SH2B3: variants seen among roughly 807,000 people sequenced by gnomAD.
SH2B3 encodes the protein SH2B adaptor protein 3.
SH2B3 carries 43 observed loss-of-function variants against 51.9 expected under a neutral mutation model. That is an observed-to-expected ratio of 0.83 (90% CI 0.65 to 1.07). The LOEUF (loss-of-function observed/expected upper bound fraction) is 1.07. SH2B3 is among the 50% of genes least tolerant of loss of function. The pLI, the probability that SH2B3 is intolerant of heterozygous loss-of-function variation, is 0.00. For missense variants in SH2B3, 952 were observed against 834.3 expected (o/e 1.14, Z -1.74); for synonymous variants, 396 against 376.0 (o/e 1.05, Z -0.62).
intron 1 of SH2B3, among the ~76,000 whole-genome samples, chr12:111,414,680 G>A (rs1353105815): frequency 3.3e-5 from 5 of 152,112 alleles, no homozygotes; most frequent in African/African-American, 4.8e-5. Context: ...TTCTTGTGGA[G>A]ATCGGCTGTG....
In SH2B3 at chr12:111,435,041, A is replaced by C. The variant is rs901064907; in HGVS notation, c.733-11712A>C. 1 of 1,529,610 alleles carries C rather than the reference A, an allele frequency of 6.5e-7. No individual in the cohort carries two copies. Among genetic ancestry groups the C allele is most frequent in the East Asian group, 2.5e-5 (1 of 40,712 alleles). 94.8% of individuals were successfully genotyped at this position (1,529,610 alleles called of 1,614,324 possible). ...CGTTCTTCGAAGGCAGGCAGTAGCT[A>C]CCGTTGTCTGGGGCTTTGGGGATCT... On this transcript the variant is annotated intron_variant, in intron 2 of 7. Transcript: ENST00000341259. This position sits in a 1 kb window ranked among gnomAD's most constrained non-coding sequence, Gnocchi z 4.8.
In SH2B3 at chr12:111,446,853, AGGTG is replaced by A; in HGVS notation, c.834_834+3del. ...GACAACCTTTACACCTTTGTGCTGA[AGGTG>A]AGTGACAAGGCTTTTCACACCCTGG... is the stretch of plus-strand genomic sequence containing the variant. On this transcript the variant is annotated splice_donor_variant and splice_donor_region_variant and coding_sequence_variant and intron_variant, in exon 3 of 8. Coordinates refer to ENST00000341259, the MANE Select transcript of SH2B3 (RefSeq NM_005475.3). LOFTEE classifies it high-confidence loss of function. 1 of 1,605,744 alleles carries A rather than the reference AGGTG, an allele frequency of 6.2e-7. No individual in the cohort carries two copies.
intron 2 of SH2B3, among the ~76,000 whole-genome samples, chr12:111,426,919 C>A (rs1038557316): frequency 6.6e-6 from 1 of 152,084 alleles, no homozygotes; most frequent in Non-Finnish European, 1.5e-5. Context: ...GCCCTTGGCC[C>A]CCTGCTGAAC....
At chr12:111,417,227 C>T (rs980261895) in intron 1 of SH2B3, among the ~76,000 whole-genome samples, 2 of 152,042 alleles carry the variant, frequency 1.3e-5, no homozygotes, top group Admixed American at 6.6e-5. Flanking sequence ...CTAGTTTTTC[C>T]CCATTATAAA....
intron 2 of SH2B3, among the ~76,000 whole-genome samples, chr12:111,439,047 A>C (rs1008346018): frequency 3.3e-5 from 5 of 152,204 alleles, no homozygotes; most frequent in African/African-American, 1.2e-4. Flanking sequence ...ATCTTGGCTT[A>C]CTGCAGCCTC....
Position 111,448,189 on chromosome 12 carries a change from C to T in SH2B3, c.1615C>T (p.Leu539=). Residue 539 remains leucine, a synonymous_variant, in exon 8 of 8, where the codon CTG becomes TTG. Coordinates refer to ENST00000341259, the MANE Select transcript of SH2B3 (RefSeq NM_005475.3). The part of the protein sequence containing the change: ...VPSPEELANS[L]QHLEHEPVNR... ...TTCGCCCGAAGAACTGGCCAACAGC[C>T]TGCAGCACCTGGAGCATGAGCCTGT... The T allele has an allele frequency of 1.2e-6, 2 of 1,614,126 alleles. No homozygotes were observed. Among genetic ancestry groups the T allele is most frequent in the East Asian group, 2.2e-5 (1 of 44,868 alleles).
At chr12:111,424,770 A>G (rs976622331) in intron 2 of SH2B3, among the ~76,000 whole-genome samples, 2 of 151,888 alleles carry the variant, frequency 1.3e-5, no homozygotes, top group Non-Finnish European at 2.9e-5. Flanking sequence ...TCAGACCACA[A>G]CTCTTGCATG....
In SH2B3 at chr12:111,418,683, A is replaced by G; in HGVS notation, c.538A>G (p.Lys180Glu). ...GACCCCCGCCCGGCCTGGCCTGGCCAAGAAGTTCCTGCCCTGGAGCCTGGC... is the reference window on the plus strand; with the variant it reads ...GACCCCCGCCCGGCCTGGCCTGGCCGAGAAGTTCCTGCCCTGGAGCCTGGC... ...AETPARPGLA[K>E]KFLPWSLARE... The change falls in exon 2 of 8, where the codon AAG becomes GAG. Residue 180 changes from lysine to glutamate, a missense_variant. By Grantham distance (56) the Lys-to-Glu change is moderately conservative. Transcript: ENST00000341259. The surrounding 1 kb of genome is among the most constrained non-coding windows in gnomAD (Gnocchi z 6.7). 2 of 1,490,456 alleles carry G rather than the reference A, an allele frequency of 1.3e-6. No individual in the cohort carries two copies. The highest frequency in any genetic ancestry group is 8.9e-7 in the Non-Finnish European group (1 of 1,128,128). The allele number at this position is 1,490,456 out of a possible 1,614,324, so 92.3% of individuals were successfully genotyped here.
rs1305581960 is a variant in SH2B3, at chr12:111,447,230, C to T, written c.1021+11C>T. 1.2e-6 allele frequency: 2 copies of T among 1,605,706 alleles called. No homozygotes were observed. Among genetic ancestry groups the T allele is most frequent in the Non-Finnish European group, 1.7e-6 (2 of 1,172,458 alleles). Reference sequence around the variant, plus strand: ...ATTCCCTTAACCAAGGTGGGTAAACCAATAGCTAGGCCATTGTCTTCTGGG... The same window carrying T: ...ATTCCCTTAACCAAGGTGGGTAAACTAATAGCTAGGCCATTGTCTTCTGGG... On this transcript the variant is annotated intron_variant, in intron 5 of 7. Coordinates refer to ENST00000341259, the MANE Select transcript of SH2B3 (RefSeq NM_005475.3).
intron 2 of SH2B3, among the ~76,000 whole-genome samples, chr12:111,419,243 C>T (rs1481623624): frequency 6.6e-6 from 1 of 152,168 alleles, no homozygotes; most frequent in Non-Finnish European, 1.5e-5. Context: ...GTGGAGGCTA[C>T]AGTGAGCCGT....
chr12:111,446,917 A>G (rs1458647401), intron 3 of SH2B3, 25 bp from the exon 4 acceptor site: 1 of 1,610,686 alleles, frequency 6.2e-7, no homozygotes, highest in Non-Finnish European at 8.5e-7. Flanking sequence ...AGCAGACCCA[A>G]CCCTGTTCCC....
intron 1 of SH2B3, among the ~76,000 whole-genome samples, chr12:111,415,870 C>G (rs1374652341): frequency 6.6e-6 from 1 of 152,110 alleles, no homozygotes; most frequent in East Asian, 1.9e-4. Flanking sequence ...GATCCACCCA[C>G]CTAAGCCTCC....
chr12:111,426,731 T>TGCC lies in SH2B3; in HGVS notation c.732+7855_732+7857dup, dbSNP rs567472374. Among the ~76,000 whole-genome samples, 8 of 152,320 alleles carry TGCC rather than the reference T, an allele frequency of 5.3e-5. No homozygotes were observed. The South Asian group carries it at 1.7e-3, about 32-fold the overall frequency. ...ATGGCCCTGAATGTGTGCCTCTGTG[T>TGCC]GCCAGGTGTTGCCCTAAATTCTTGG... On this transcript the variant is annotated intron_variant, in intron 2 of 7. Coordinates refer to ENST00000341259, the MANE Select transcript of SH2B3 (RefSeq NM_005475.3).
At chr12:111,416,835 A>G (rs944413681) in intron 1 of SH2B3, among the ~76,000 whole-genome samples, 2 of 152,188 alleles carry the variant, frequency 1.3e-5, no homozygotes, top group East Asian at 1.9e-4. Flanking sequence ...CTGTGTTCTT[A>G]GCCATCCTTG....
chr12:111,411,790 G>A (rs1870721451), intron 1 of SH2B3, among the ~76,000 whole-genome samples: 1 of 152,196 alleles, frequency 6.6e-6, no homozygotes, highest in South Asian at 2.1e-4. Context: ...ATTTGCTGCA[G>A]GGAGGGAATT....
intron 2 of SH2B3, among the ~76,000 whole-genome samples, chr12:111,436,886 G>A (rs140281684): frequency 2.0e-5 from 3 of 152,082 alleles, no homozygotes; most frequent in Non-Finnish European, 4.4e-5. Flanking sequence ...AGCATCTCTG[G>A]CTAATCACTT....
intron 2 of SH2B3, chr12:111,434,629 A>C (rs189736447): frequency 3.4e-4 from 87 of 253,144 alleles, no homozygotes; most frequent in South Asian, 7.3e-4. Context: ...TTATGGTTTT[A>C]TTCTTTGCTT....
intron 2 of SH2B3, among the ~76,000 whole-genome samples, chr12:111,443,177 G>GT (rs1281571642): frequency 3.3e-5 from 5 of 152,254 alleles, no homozygotes; most frequent in Admixed American, 1.3e-4. Flanking sequence ...CAGGCGGGCT[G>GT]AACAGCCAGG....
In SH2B3 at chr12:111,444,653, A is replaced by C. The variant is rs562753928; in HGVS notation, c.733-2100A>C. ...CTAAAGCCCCCACAGCTGCTGACAC[A>C]GCCCCCAGGTTTGAGCTTGTCTCCC... On this transcript the variant is annotated intron_variant, in intron 2 of 7. Coordinates refer to ENST00000341259, the MANE Select transcript of SH2B3 (RefSeq NM_005475.3). The C allele has an allele frequency of 1.8e-5, 14 of 778,620 alleles. No individual in the cohort carries two copies. In the South Asian group the frequency reaches 5.2e-4, roughly 29 times the overall value. The allele number at this position is 778,620 out of a possible 1,614,324, so 48.2% of individuals were successfully genotyped here. A position where few individuals can be genotyped will look rare whatever the true frequency, so the allele number is the denominator to read the frequency against.
Sources: allele counts gnomAD v4.1 joint callset (sites outside exome capture counted in the v4.1 genomes callset), GRCh38; gene constraint gnomAD v4.1.1; non-coding constraint Gnocchi (gnomAD v3.1); transcripts MANE v1.5; gene names NCBI Gene and HGNC (gene_info 2026-07-23, HGNC 2026-07-21).